CFAP20DC: variants seen among roughly 807,000 people sequenced by gnomAD.
The protein encoded by CFAP20DC is protein CFAP20DC.
Under a neutral mutation model 101.7 loss-of-function variants are expected in CFAP20DC, and 84 were observed. The ratio of observed to expected loss-of-function variants is 0.83; its 90% CI spans 0.69 to 0.99. The LOEUF (loss-of-function observed/expected upper bound fraction) is 0.99. CFAP20DC is among the 50% of genes least tolerant of loss of function. The probability of loss-of-function intolerance (pLI) is 0.00; values close to 1 mark genes in which losing one functional copy is unlikely to be tolerated. For missense variants in CFAP20DC, 1,007 were observed against 970.3 expected (o/e 1.04, Z -0.50); for synonymous variants, 359 against 351.2 (o/e 1.02, Z -0.25).
At chr3:58,772,946 G>C (rs1015390229) in intron 15 of CFAP20DC, among the ~76,000 whole-genome samples, 2 of 151,984 alleles carry the variant, frequency 1.3e-5, no homozygotes, top group African/African-American at 4.8e-5. Flanking sequence ...GAAATGTAGG[G>C]TTGGGCATGG....
rs1411464008 is a variant in CFAP20DC at position 58,882,580 on chromosome 3, A to G, written c.715+1965T>C. Among the ~76,000 whole-genome samples the G allele has an allele frequency of 5.3e-5, 8 of 152,150 alleles. No homozygotes were observed. Among genetic ancestry groups the G allele is most frequent in the Admixed American group, 5.2e-4 (8 of 15,262 alleles). On this transcript the variant is annotated intron_variant, in intron 7 of 16. Coordinates refer to ENST00000482387, the MANE Select transcript of CFAP20DC (RefSeq NM_001394063.1). The surrounding 1 kb of genome is among the most constrained non-coding windows in gnomAD (Gnocchi z 4.2). ...TTGTTATAGAACACACTCTTATTTTATTCTGTGGTACATCTTCCATTCAGA... is the reference window on the plus strand; with the variant it reads ...TTGTTATAGAACACACTCTTATTTTGTTCTGTGGTACATCTTCCATTCAGA...
intron 3 of CFAP20DC, among the ~76,000 whole-genome samples, chr3:59,043,093 A>G (rs1205645391): frequency 6.6e-6 from 1 of 152,192 alleles, no homozygotes; most frequent in African/African-American, 2.4e-5. Context: ...ATGATATTCA[A>G]GAAGTCTAGA....
chr3:58,944,718 C>T (rs1379166454), intron 4 of CFAP20DC, among the ~76,000 whole-genome samples: 1 of 150,882 alleles, frequency 6.6e-6, no homozygotes, highest in Non-Finnish European at 1.5e-5. Flanking sequence ...TCCCCTTTCA[C>T]TTCTCCCTCT....
rs745428162 is a variant in CFAP20DC, at chr3:58,867,798, G to A, written c.1135+19C>T. 6.2e-7 allele frequency: 1 copy of A among 1,613,102 alleles called. No homozygotes were observed. Among genetic ancestry groups the A allele is most frequent in the East Asian group, 2.2e-5 (1 of 44,826 alleles). ...TGAATAATATACAGATATAAGATAG[G>A]ATTGAAATAGTGCCATACCGCTGGG... On this transcript the variant is annotated intron_variant, in intron 10 of 16. Transcript: ENST00000482387.
At position 58,809,518 on chromosome 3, in the gene CFAP20DC, T is replaced by C. The variant is rs1341023142; in HGVS notation, c.2176-3062A>G. On this transcript the variant is annotated intron_variant, in intron 14 of 16. Transcript: ENST00000482387. ...TTTGAAACCAACGAGAACAAAGACA[T>C]AACATACCAGAATCTCTGGGACGCA... Among the ~76,000 whole-genome samples, 315 of 151,424 alleles carry C rather than the reference T, an allele frequency of 2.1e-3. 3 individuals are homozygous for C. Among genetic ancestry groups the C allele is most frequent in the African/African-American group, 7.4e-3 (304 of 41,316 alleles).
intron 4 of CFAP20DC, chr3:58,953,672 A>C (rs1294498018): frequency 6.6e-6 from 1 of 152,190 alleles, no homozygotes; most frequent in Admixed American, 6.6e-5. Flanking sequence ...GAGAGAGAGA[A>C]TATAAATGCA....
At chr3:58,991,382 A>C (rs1576620597) in intron 4 of CFAP20DC, among the ~76,000 whole-genome samples, 1 of 152,156 alleles carries the variant, frequency 6.6e-6, no homozygotes, top group Admixed American at 6.5e-5. Flanking sequence ...ATGTTCAATA[A>C]ATATTCACTG....
intron 4 of CFAP20DC, among the ~76,000 whole-genome samples, chr3:59,033,277 A>G (rs2094031639): frequency 6.6e-6 from 1 of 152,218 alleles, no homozygotes; most frequent in East Asian, 1.9e-4. Context: ...TCCAAAAACC[A>G]GAATGCCTCT....
At chr3:58,860,482 A>G (rs1424057998) in intron 12 of CFAP20DC, among the ~76,000 whole-genome samples, 1 of 152,216 alleles carries the variant, frequency 6.6e-6, no homozygotes, top group Non-Finnish European at 1.5e-5. Context: ...GTCAGTCCAC[A>G]TAATTCATGT....
chr3:59,006,917 CT>C lies in CFAP20DC; in HGVS notation c.278+32639del, dbSNP rs749669293. On this transcript the variant is annotated intron_variant, in intron 4 of 16. Transcript: ENST00000482387. This position sits in a 1 kb window ranked among gnomAD's most constrained non-coding sequence, Gnocchi z 4.3. ...AGGCAAGGCCTGAAAGCCTTGCTTG[CT>C]TTCTCAGCGTGGAAGCTTATGGCCT... Among the ~76,000 whole-genome samples the C allele has an allele frequency of 1.3e-5, 2 of 152,182 alleles. No individual in the cohort carries two copies. The highest frequency in any genetic ancestry group is 2.9e-5 in the Non-Finnish European group (2 of 68,036).
At chr3:58,961,705 T>A (rs984229009) in intron 4 of CFAP20DC, among the ~76,000 whole-genome samples, 1 of 152,186 alleles carries the variant, frequency 6.6e-6, no homozygotes, top group African/African-American at 2.4e-5. Flanking sequence ...CTTTACTTGT[T>A]ATATGTCTAT....
At chr3:58,950,162 C>T (rs910200895) in intron 4 of CFAP20DC, among the ~76,000 whole-genome samples, 2 of 152,108 alleles carry the variant, frequency 1.3e-5, no homozygotes, top group South Asian at 2.1e-4. Flanking sequence ...GAGTGAACTC[C>T]CATTCACAAT....
At position 58,913,526 on chromosome 3, in the gene CFAP20DC, A is replaced by T; in HGVS notation, c.550+182T>A. ...AGAAGATTAATACCTTTTTTGTGAC[A>T]TTCAGCTATAGTAAAAATAAACATT... is the stretch of plus-strand genomic sequence containing the variant. On this transcript the variant is annotated intron_variant, in intron 6 of 16. Transcript: ENST00000482387. The surrounding 1 kb of genome is among the most constrained non-coding windows in gnomAD (Gnocchi z 4.4). The T allele has an allele frequency of 1.6e-6, 1 of 637,352 alleles. No individual in the cohort carries two copies. The allele number at this position is 637,352 out of a possible 1,614,324, so 39.5% of individuals were successfully genotyped here.
chr3:58,767,375 A>T (rs559543457), intron 15 of CFAP20DC, among the ~76,000 whole-genome samples: 1 of 152,178 alleles, frequency 6.6e-6, no homozygotes, highest in Non-Finnish European at 1.5e-5. Context: ...CAGGAAGCAG[A>T]ATGTTTATTC....
intron 14 of CFAP20DC, among the ~76,000 whole-genome samples, chr3:58,829,197 GTGATGGGTGCCTGTAATCCC>G (rs1251255720): frequency 1.3e-5 from 2 of 151,808 alleles, no homozygotes; most frequent in Non-Finnish European, 2.9e-5. Flanking sequence ...GCTGGGCATG[GTGATGGGTGCCTGTAATCCC>G]TGATGGGTGC....
At chr3:58,768,444 TGAGGTCTTGA>T (rs1559563476) in intron 15 of CFAP20DC, among the ~76,000 whole-genome samples, 1 of 152,194 alleles carries the variant, frequency 6.6e-6, no homozygotes, top group Non-Finnish European at 1.5e-5. Flanking sequence ...AGCGGGAATC[TGAGGTCTTGA>T]AAGTTTCTCC....
At chr3:58,812,422 G>T (rs2074728056) in intron 14 of CFAP20DC, among the ~76,000 whole-genome samples, 1 of 151,968 alleles carries the variant, frequency 6.6e-6, no homozygotes, top group Non-Finnish European at 1.5e-5. Context: ...GGATGAAATT[G>T]GAAATCATCA....
rs927416903 is a variant in CFAP20DC at position 58,788,285 on chromosome 3, T to C, written c.2237+18110A>G. ...TTGATTTGGGGCCGTCTATTGGAGA[T>C]GGATGTTTCTAATATAATGGGCCCC... On this transcript the variant is annotated intron_variant, in intron 15 of 16. Coordinates refer to ENST00000482387, the MANE Select transcript of CFAP20DC (RefSeq NM_001394063.1). The surrounding 1 kb of genome is among the most constrained non-coding windows in gnomAD (Gnocchi z 4.2). Among the ~76,000 whole-genome samples the C allele has an allele frequency of 1.3e-5, 2 of 152,058 alleles. No homozygotes were observed. The highest frequency in any genetic ancestry group is 2.9e-5 in the Non-Finnish European group (2 of 68,012).
intron 15 of CFAP20DC, among the ~76,000 whole-genome samples, chr3:58,777,299 A>T (rs1374331512): frequency 6.6e-6 from 1 of 152,136 alleles, no homozygotes; most frequent in Admixed American, 6.5e-5. Flanking sequence ...TGTACATCTT[A>T]CATGTACTGA....
Sources: allele counts gnomAD v4.1 joint callset (sites outside exome capture counted in the v4.1 genomes callset), GRCh38; gene constraint gnomAD v4.1.1; non-coding constraint Gnocchi (gnomAD v3.1); transcripts MANE v1.5; gene names NCBI Gene and HGNC (gene_info 2026-07-23, HGNC 2026-07-21).